Variants in EFCAB6 observed in about 807,000 individuals in gnomAD.
EFCAB6 encodes the protein EF-hand calcium-binding domain-containing protein 6.
Under a neutral mutation model 169.8 loss-of-function variants are expected in EFCAB6, and 156 were observed. That is an observed-to-expected ratio of 0.92 (90% confidence interval 0.81 to 1.05). The LOEUF is 1.05. Among genes scored for constraint, EFCAB6 ranks in the 50% least tolerant of loss-of-function variants. The pLI is 0.00. For missense variants in EFCAB6, 1,800 were observed against 1,829.1 expected, an observed-to-expected ratio of 0.98 and a Z score of 0.29; for synonymous variants, 698 against 676.4, an observed-to-expected ratio of 1.03 and a Z score of -0.50.
chr22:43,621,688 T>G (rs555864711), intron 20 of EFCAB6, among the ~76,000 whole-genome samples: 1 of 150,850 alleles, frequency 6.6e-6, no homozygotes, highest in African/African-American at 2.4e-5. Context: ...AAGGAAATAA[T>G]AAAGACCAAA....
chr22:43,632,723 C>T (rs1193961715), intron 18 of EFCAB6, among the ~76,000 whole-genome samples: 1 of 152,118 alleles, frequency 6.6e-6, no homozygotes, highest in Non-Finnish European at 1.5e-5. Flanking sequence ...GTTTCTTTTC[C>T]TTCAGTTTCT....
intron 27 of EFCAB6, among the ~76,000 whole-genome samples, chr22:43,542,724 C>A (rs562336739): frequency 1.3e-5 from 2 of 152,240 alleles, no homozygotes; most frequent in East Asian, 3.9e-4. Flanking sequence ...CATGTGGCCT[C>A]CAGTCTCCAT....
chr22:43,575,364 T>G (rs1266698276), intron 26 of EFCAB6, among the ~76,000 whole-genome samples: 1 of 148,418 alleles, frequency 6.7e-6, no homozygotes, highest in Non-Finnish European at 1.5e-5. Context: ...CTATGTTTTT[T>G]TTTTTTTTTT....
chr22:43,531,246 C>T (rs1255128980), intron 30 of EFCAB6, among the ~76,000 whole-genome samples: 1 of 152,188 alleles, frequency 6.6e-6, no homozygotes, highest in Non-Finnish European at 1.5e-5. Context: ...TCTCTATCCC[C>T]ACTTCACAGA....
chr22:43,609,614 A>G (rs370213662), intron 21 of EFCAB6, among the ~76,000 whole-genome samples: 17 of 152,260 alleles, frequency 1.1e-4, no homozygotes, highest in African/African-American at 3.6e-4. Flanking sequence ...CATCCTTTAT[A>G]CAGAAAAGTA....
At chr22:43,678,228 T>G (rs1244593222) in intron 12 of EFCAB6, 65 bp from the exon 13 acceptor site, 6 of 1,501,552 alleles carry the variant, frequency 4.0e-6, no homozygotes, top group Non-Finnish European at 5.4e-6. Context: ...AAAAGTGTTA[T>G]GTATGTTTAG....
At chr22:43,693,950 A>G (rs2147206494) in intron 10 of EFCAB6, among the ~76,000 whole-genome samples, 1 of 152,118 alleles carries the variant, frequency 6.6e-6, no homozygotes, top group Non-Finnish European at 1.5e-5. Context: ...AGTAGAGAAA[A>G]TGGATACAAT....
At chr22:43,681,256 A>T (rs28824207) in intron 12 of EFCAB6, among the ~76,000 whole-genome samples, 2,886 of 152,354 alleles carry the variant, frequency 0.019, 96 homozygotes, top group African/African-American at 0.066. Context: ...GTTGCATATG[A>T]CATTGATTTT....
At chr22:43,603,960 G>C (rs2052719073) in intron 22 of EFCAB6, among the ~76,000 whole-genome samples, 1 of 152,206 alleles carries the variant, frequency 6.6e-6, no homozygotes, top group Non-Finnish European at 1.5e-5. Flanking sequence ...TCATTGTGCT[G>C]TTCTCGTGAT....
chr22:43,767,497 G>A (rs1006863954), intron 4 of EFCAB6, among the ~76,000 whole-genome samples: 2 of 152,220 alleles, frequency 1.3e-5, no homozygotes, highest in African/African-American at 4.8e-5. Context: ...AGGAAATGAG[G>A]AAGAGAAGAA....
intron 25 of EFCAB6, among the ~76,000 whole-genome samples, chr22:43,580,195 A>T (rs1305961766): frequency 1.3e-5 from 2 of 152,216 alleles, no homozygotes; most frequent in South Asian, 4.1e-4. Flanking sequence ...CTCTTGCCCA[A>T]GGGCCTCTGT....
chr22:43,660,723 C>T (rs2056961903), intron 17 of EFCAB6, among the ~76,000 whole-genome samples: 1 of 152,132 alleles, frequency 6.6e-6, no homozygotes, highest in South Asian at 2.1e-4. Context: ...GCCCTTCATG[C>T]CTCCCCATCT....
chr22:43,590,678 G>T (rs2051427386), intron 23 of EFCAB6, among the ~76,000 whole-genome samples: 1 of 151,432 alleles, frequency 6.6e-6, no homozygotes, highest in African/African-American at 2.4e-5. Flanking sequence ...CATTCCAGTA[G>T]TGGGGAGACA....
intron 8 of EFCAB6, among the ~76,000 whole-genome samples, chr22:43,720,961 C>A (rs1033914138): frequency 6.6e-6 from 1 of 152,152 alleles, no homozygotes; most frequent in African/African-American, 2.4e-5. Flanking sequence ...CAATATGATT[C>A]TATACCTAGA....
At chr22:43,552,551 A>C (rs2048440254) in intron 27 of EFCAB6, 1 of 152,146 alleles carries the variant, frequency 6.6e-6, no homozygotes, top group Non-Finnish European at 1.5e-5. Context: ...GCATTTCTCT[A>C]ATGCTCAGTG....
At chr22:43,620,248 G>A (rs989868261) in intron 20 of EFCAB6, among the ~76,000 whole-genome samples, 1 of 152,136 alleles carries the variant, frequency 6.6e-6, no homozygotes. Flanking sequence ...GGTCAAGGCT[G>A]CAGTGAGCTG....
chr22:43,727,296 G>A (rs9614268), intron 8 of EFCAB6, among the ~76,000 whole-genome samples: 16,817 of 152,150 alleles, frequency 0.11, 1,181 homozygotes, highest in Middle Eastern at 0.18. Flanking sequence ...CAGGCATAGT[G>A]GCATGCCTGT....
chr22:43,734,089 C>G (rs1279927849), intron 7 of EFCAB6, among the ~76,000 whole-genome samples: 1 of 152,138 alleles, frequency 6.6e-6, no homozygotes, highest in Non-Finnish European at 1.5e-5. Flanking sequence ...GAGGAGAGAG[C>G]ACAGACTTCA....
intron 10 of EFCAB6, among the ~76,000 whole-genome samples, chr22:43,693,194 G>A (rs1333607164): frequency 6.6e-6 from 1 of 152,008 alleles, no homozygotes; most frequent in Non-Finnish European, 1.5e-5. Flanking sequence ...AGTCACAAGA[G>A]AGACACATTA....
Sources: gnomAD v4.1 joint callset for allele counts (sites outside exome capture counted in the v4.1 genomes callset) on GRCh38, gnomAD v4.1.1 for gene constraint, MANE v1.5 for transcripts, NCBI Gene and HGNC (gene_info 2026-07-23, HGNC 2026-07-21) for gene names.